The following PDE4D variants were observed in gnomAD, a reference collection of about 807,000 sequenced individuals.
The protein encoded by PDE4D is 3',5'-cyclic-AMP phosphodiesterase 4D.
A neutral mutation model predicts 87.4 loss-of-function variants in PDE4D; 24 were observed. That is an observed-to-expected ratio of 0.27 (90% CI 0.20 to 0.39). The LOEUF is 0.39. Among genes scored for constraint, PDE4D ranks in the 10% least tolerant of loss-of-function variants. The pLI is 1.00. For missense variants in PDE4D, 714 were observed against 1,041.0 expected, an observed-to-expected ratio of 0.69 and a Z score of 4.32; for synonymous variants, 384 against 383.2, an observed-to-expected ratio of 1.00 and a Z score of -0.02.
At chr5:59,141,605 CT>C (rs556667782) in intron 5 of PDE4D, among the ~76,000 whole-genome samples, 131 of 152,226 alleles carry the variant, frequency 8.6e-4, no homozygotes, top group African/African-American at 2.6e-3. Flanking sequence ...ATAGACCGGG[CT>C]TTTTTTGAAG....
chr5:59,073,507 C>CAGG (rs1554062026), intron 5 of PDE4D, among the ~76,000 whole-genome samples: 1 of 38,152 alleles, frequency 2.6e-5, no homozygotes, highest in East Asian at 1.8e-3. Context: ...AAGTGGGGGG[C>CAGG]GGGGGGGGCG....
intron 1 of PDE4D, among the ~76,000 whole-genome samples, chr5:59,743,811 A>G (rs1759206634): frequency 6.6e-6 from 1 of 152,082 alleles, no homozygotes; most frequent in African/African-American, 2.4e-5. Context: ...TGAGCACTAC[A>G]ATCATCACTC....
At chr5:59,463,934 C>T (rs1299532673) in intron 1 of PDE4D, among the ~76,000 whole-genome samples, 1 of 152,150 alleles carries the variant, frequency 6.6e-6, no homozygotes, top group East Asian at 1.9e-4. Flanking sequence ...CCCGTGCTCT[C>T]TGAAATATGT....
intron 2 of PDE4D, among the ~76,000 whole-genome samples, chr5:60,000,360 G>A (rs1763911109): frequency 6.6e-6 from 1 of 152,180 alleles, no homozygotes; most frequent in South Asian, 2.1e-4. Context: ...TCATGTGCAA[G>A]CGACCTTCAA....
chr5:60,176,982 G>A (rs1783967834), intron 2 of PDE4D, among the ~76,000 whole-genome samples: 1 of 152,114 alleles, frequency 6.6e-6, no homozygotes, highest in African/African-American at 2.4e-5. Flanking sequence ...AAGCAACAGG[G>A]GGTAGGTCAG....
chr5:59,050,131 G>T lies in PDE4D; in HGVS notation c.809-11160C>A, dbSNP rs190376012. Among the ~76,000 whole-genome samples, 9 of 152,278 alleles carry T rather than the reference G, an allele frequency of 5.9e-5. No homozygotes were observed. In the South Asian group the frequency reaches 1.0e-3, roughly 18 times the overall value. On this transcript the variant is annotated intron_variant, in intron 5 of 14. Transcript: ENST00000340635. ...AAATACAAAACATTAGCCACGCATG[G>T]TGGCGGGTGCCTGTAATCCCAGCTA... is the stretch of plus-strand genomic sequence containing the variant.
rs192552095 is a variant in PDE4D at position 59,940,271 on chromosome 5, G to A, written c.272+48217C>T. Among the ~76,000 whole-genome samples, 6 of 152,314 alleles carry A rather than the reference G, an allele frequency of 3.9e-5. No homozygotes were observed. In the East Asian group the frequency reaches 1.2e-3, roughly 29 times the overall value. On this transcript the variant is annotated intron_variant, in intron 3 of 16. Transcript: ENST00000502484. Reference sequence around the variant, plus strand: ...TTTCCTATGGTCTCCATAGAAGAAGGGGGAGGCACATACCATGATTAGATT... The same window carrying A: ...TTTCCTATGGTCTCCATAGAAGAAGAGGGAGGCACATACCATGATTAGATT...
intron 5 of PDE4D, among the ~76,000 whole-genome samples, chr5:59,118,294 A>G (rs1773939735): frequency 6.6e-6 from 1 of 152,130 alleles, no homozygotes; most frequent in Non-Finnish European, 1.5e-5. Flanking sequence ...CCACTGAGTG[A>G]CCCTGTGGCT....
intron 1 of PDE4D, among the ~76,000 whole-genome samples, chr5:60,247,514 T>G (rs1424818474): frequency 6.7e-6 from 1 of 149,466 alleles, no homozygotes; most frequent in Admixed American, 6.8e-5. Context: ...CCAAAGCTTG[T>G]TTGATCCCAC....
intron 6 of PDE4D, among the ~76,000 whole-genome samples, chr5:59,015,138 A>C (rs558606684): frequency 6.6e-6 from 1 of 152,218 alleles, no homozygotes; most frequent in Non-Finnish European, 1.5e-5. Flanking sequence ...CGGATTAAAG[A>C]CTTACATGTT....
At chr5:59,768,431 C>T (rs1222623193) in intron 1 of PDE4D, 1 of 1,598,398 alleles carries the variant, frequency 6.3e-7, no homozygotes, top group Non-Finnish European at 8.5e-7. Context: ...ACAAGGTCTT[C>T]GTTCAGCCAC....
chr5:60,515,590 C>G (rs1365112184), intron 1 of PDE4D, among the ~76,000 whole-genome samples: 1 of 123,336 alleles, frequency 8.1e-6, no homozygotes, highest in African/African-American at 3.6e-5. Context: ...GCTTTCTTTC[C>G]TTTTCTTTTT....
At chr5:59,400,931 T>C (rs983798531) in intron 1 of PDE4D, among the ~76,000 whole-genome samples, 5 of 152,150 alleles carry the variant, frequency 3.3e-5, no homozygotes, top group Non-Finnish European at 5.9e-5. Flanking sequence ...TATGCATATA[T>C]ACAGGTTGAG....
At chr5:59,507,679 A>AAAAAAAAAAAG (rs61334148) in intron 1 of PDE4D, among the ~76,000 whole-genome samples, 33 of 118,672 alleles carry the variant, frequency 2.8e-4, no homozygotes, top group Admixed American at 4.6e-4. Context: ...AAAAAAAAAA[A>AAAAAAAAAAAG]AAAAGAAAAG....
intron 1 of PDE4D, among the ~76,000 whole-genome samples, chr5:59,672,398 C>A (rs1231293540): frequency 1.3e-5 from 2 of 152,064 alleles, no homozygotes. Context: ...TTTATATCAC[C>A]CACAAAACAA....
At chr5:60,327,896 A>C (rs965847521) in intron 1 of PDE4D, among the ~76,000 whole-genome samples, 1 of 152,176 alleles carries the variant, frequency 6.6e-6, no homozygotes, top group Non-Finnish European at 1.5e-5. Flanking sequence ...ACACTGAGCA[A>C]ATGATTTTTA....
At chr5:59,377,940 A>T (rs1785006813) in intron 1 of PDE4D, among the ~76,000 whole-genome samples, 1 of 152,216 alleles carries the variant, frequency 6.6e-6, no homozygotes, top group Non-Finnish European at 1.5e-5. Flanking sequence ...TGTATACCCA[A>T]AGGAATAGAA....
chr5:60,277,073 T>A (rs1192090493), intron 1 of PDE4D, among the ~76,000 whole-genome samples: 1 of 151,984 alleles, frequency 6.6e-6, no homozygotes, highest in Non-Finnish European at 1.5e-5. Context: ...CCTTTATTTT[T>A]ATTTTTTAAT....
At chr5:59,430,273 A>C in intron 1 of PDE4D, 1 of 1,230,978 alleles carries the variant, frequency 8.1e-7, no homozygotes, top group Non-Finnish European at 1.0e-6. Flanking sequence ...ACAAACAACT[A>C]GAGGAAAGGA....
Sources: allele counts gnomAD v4.1 joint callset (sites outside exome capture counted in the v4.1 genomes callset), GRCh38; gene constraint gnomAD v4.1.1; transcripts MANE v1.5; gene names NCBI Gene and HGNC (gene_info 2026-07-23, HGNC 2026-07-21).